PLCL2: variants seen among roughly 807,000 people sequenced by gnomAD.
PLCL2 encodes the protein phospholipase C like 2, also known as inactive phospholipase C-like protein 2.
PLCL2 carries 4 observed loss-of-function variants against 79.6 expected under a neutral mutation model. That is an observed-to-expected ratio of 0.05 (90% CI 0.02 to 0.11). PLCL2 has a LOEUF of 0.11. PLCL2 is among the 10% of genes least tolerant of loss of function. PLCL2 has a pLI of 1.00. For missense variants in PLCL2, 895 were observed against 1,291.0 expected (o/e 0.69, Z 4.70); for synonymous variants, 484 against 457.7 (o/e 1.06, Z -0.73).
chr3:17,010,473 T>C lies in PLCL2; in HGVS notation c.1127T>C (p.Ile376Thr). 1 of 1,614,032 alleles carries C rather than the reference T, an allele frequency of 6.2e-7. No individual in the cohort carries two copies. The highest frequency in any genetic ancestry group is 1.1e-5 in the South Asian group (1 of 91,070). ...FLEAEQGVAHINEEISLEIIH... is the reference protein window; with the variant it reads ...FLEAEQGVAHTNEEISLEIIH... ...GAGGCAGAACAGGGTGTGGCACATA[T>C]AAATGAGGAAATAAGCCTTGAAATT... The change falls in exon 2 of 6, where the codon ATA becomes ACA. Residue 376 changes from isoleucine to threonine, a missense_variant. Physicochemically the swap from Ile to Thr is moderately conservative, Grantham distance 89. Around this residue, in one of 6 missense-constraint regions of PLCL2, gnomAD observed 242 missense variants for 399.5 expected, o/e 0.61. Transcript: ENST00000615277. The surrounding 1 kb of genome is among the most constrained non-coding windows in gnomAD (Gnocchi z 5.8).
chr3:16,943,941 G>A (rs2063578470), intron 1 of PLCL2, among the ~76,000 whole-genome samples: 1 of 152,128 alleles, frequency 6.6e-6, no homozygotes, highest in African/African-American at 2.4e-5. Flanking sequence ...GATCTCTTGG[G>A]TATTATGTTT....
At chr3:17,025,399 A>C (rs190003158) in intron 3 of PLCL2, among the ~76,000 whole-genome samples, 4,323 of 152,238 alleles carry the variant, frequency 0.028, 223 homozygotes, top group African/African-American at 0.1. Context: ...CAGTCACTTC[A>C]ATCAAATTGT....
At chr3:17,012,353 T>C (rs983128455) in intron 2 of PLCL2, among the ~76,000 whole-genome samples, 193 bp downstream of exon 2, 6 of 152,256 alleles carry the variant, frequency 3.9e-5, no homozygotes, top group African/African-American at 7.2e-5. Flanking sequence ...GTTGAAAATA[T>C]TGATTACATA....
At chr3:17,044,657 TAA>T (rs1280378816) in intron 4 of PLCL2, among the ~76,000 whole-genome samples, 1 of 152,234 alleles carries the variant, frequency 6.6e-6, no homozygotes, top group Non-Finnish European at 1.5e-5. Context: ...AAATATTAAC[TAA>T]ATATGATTTT....
Position 17,009,781 on chromosome 3 carries a change from G to A in PLCL2, c.435G>A (p.Glu145=). 3.1e-6 allele frequency: 5 copies of A among 1,613,744 alleles called. No individual in the cohort carries two copies. The highest frequency in any genetic ancestry group is 1.6e-4 in the Middle Eastern group (1 of 6,062). Residue 145 remains glutamate, a synonymous_variant, in exon 2 of 6, where the codon GAG becomes GAA. Transcript: ENST00000615277. The surrounding 1 kb of genome is among the most constrained non-coding windows in gnomAD (Gnocchi z 4.0). ...GTGATTGTATTAATTCAATGGTTGA[G>A]GGTTCAGAACTCAAAAAGGTTCGCT... ...SASDCINSMV[E]GSELKKVRSN...
intron 1 of PLCL2, among the ~76,000 whole-genome samples, chr3:16,936,323 T>C (rs1402091489): frequency 6.6e-6 from 1 of 152,238 alleles, no homozygotes; most frequent in African/African-American, 2.4e-5. Context: ...ACTGTTTATA[T>C]GTGCTTGGCT....
chr3:16,928,461 G>C (rs1427811672), intron 1 of PLCL2, among the ~76,000 whole-genome samples: 1 of 152,168 alleles, frequency 6.6e-6, no homozygotes, highest in Non-Finnish European at 1.5e-5. Context: ...AGAACCTTGG[G>C]GAAATCCATG....
rs1696219229 is a variant in PLCL2, at chr3:16,886,218, A to T, written c.327+852A>T. On this transcript the variant is annotated intron_variant, in intron 1 of 5. Coordinates refer to ENST00000615277, the MANE Select transcript of PLCL2 (RefSeq NM_001144382.2). The surrounding 1 kb of genome is among the most constrained non-coding windows in gnomAD (Gnocchi z 4.2). ...TTTTCATGACATGAAGTGCAAAAAA[A>T]AATAGTTGATGAGCTAAGAAGAGCA... Among the ~76,000 whole-genome samples, 1 of 152,236 alleles carries T rather than the reference A, an allele frequency of 6.6e-6. No individual in the cohort carries two copies. The highest frequency in any genetic ancestry group is 1.5e-5 in the Non-Finnish European group (1 of 68,052).
intron 3 of PLCL2, among the ~76,000 whole-genome samples, chr3:17,032,670 G>T (rs772669080): frequency 6.6e-6 from 1 of 152,134 alleles, no homozygotes; most frequent in South Asian, 2.1e-4. Context: ...GGTCCATGCA[G>T]TGCGCATTGG....
At chr3:17,021,621 CACACACA>C (rs757010041) in intron 3 of PLCL2, among the ~76,000 whole-genome samples, 2 of 151,804 alleles carry the variant, frequency 1.3e-5, no homozygotes, top group African/African-American at 4.8e-5. Context: ...CACACACACA[CACACACA>C]CACCCCAGAT....
intron 5 of PLCL2, among the ~76,000 whole-genome samples, chr3:17,088,908 C>A (rs1468014037): frequency 4.6e-5 from 7 of 152,142 alleles, no homozygotes; most frequent in African/African-American, 7.2e-5. Flanking sequence ...GCATATAGAT[C>A]AAGTTGATGG....
chr3:16,937,895 G>A (rs957949034), intron 1 of PLCL2, among the ~76,000 whole-genome samples: 4 of 152,106 alleles, frequency 2.6e-5, no homozygotes, highest in Non-Finnish European at 4.4e-5. Flanking sequence ...CATTAATTTT[G>A]GATAACAGGT....
chr3:17,057,771 CTTTG>C (rs556529421), intron 4 of PLCL2, among the ~76,000 whole-genome samples: 1 of 152,182 alleles, frequency 6.6e-6, no homozygotes, highest in Non-Finnish European at 1.5e-5. Flanking sequence ...GGCAAGGGAC[CTTTG>C]TTTGTTCATA....
rs368514525 is a variant in PLCL2, at chr3:16,971,147, T to C, written c.328-38527T>C. On this transcript the variant is annotated intron_variant, in intron 1 of 5. Transcript: ENST00000615277. ...CATGAAGTCCTTGCCCATGCCTATG[T>C]CCTGAATGGTAATGCCTAGGTTTTC... 8.4e-3 allele frequency among the ~76,000 whole-genome samples: 1,272 copies of C among 151,600 alleles called. 85 individuals carry two copies. The East Asian group carries it at 0.17, about 20-fold the overall frequency.
In PLCL2 at chr3:16,941,154, T is replaced by G. The variant is rs148954886; in HGVS notation, c.327+55788T>G. On this transcript the variant is annotated intron_variant, in intron 1 of 5. Transcript: ENST00000615277. Reference sequence around the variant, plus strand: ...GTTCTCACCACTTTGCCATCCATACTCACAGCTTTAACTCCCTGCTGTATG... The same window carrying G: ...GTTCTCACCACTTTGCCATCCATACGCACAGCTTTAACTCCCTGCTGTATG... Among the ~76,000 whole-genome samples, 143 of 152,320 alleles carry G rather than the reference T, an allele frequency of 9.4e-4. 3 individuals are homozygous for G. The East Asian group carries it at 0.019, about 20-fold the overall frequency.
chr3:17,027,820 C>T (rs530557046), intron 3 of PLCL2, among the ~76,000 whole-genome samples: 15 of 152,130 alleles, frequency 9.9e-5, no homozygotes, highest in African/African-American at 2.2e-4. Flanking sequence ...CTAATTGTTA[C>T]GGTCAGAAAC....
At chr3:16,940,594 A>G (rs1011715620) in intron 1 of PLCL2, among the ~76,000 whole-genome samples, 6 of 152,162 alleles carry the variant, frequency 3.9e-5, no homozygotes, top group Non-Finnish European at 5.9e-5. Context: ...GCAACATGCA[A>G]TTTACTCATG....
intron 1 of PLCL2, among the ~76,000 whole-genome samples, chr3:16,897,496 T>C (rs530122157): frequency 6.6e-6 from 1 of 152,268 alleles, no homozygotes; most frequent in East Asian, 1.9e-4. Context: ...AAAATTGTCT[T>C]TAGAAAGAAT....
chr3:17,089,502 T>G (rs1294035976), intron 5 of PLCL2, among the ~76,000 whole-genome samples: 4 of 152,100 alleles, frequency 2.6e-5, no homozygotes, highest in African/African-American at 9.7e-5. Context: ...TGCAGATCTA[T>G]AAATAGAAAG....
Sources: gnomAD v4.1 joint callset for allele counts (sites outside exome capture counted in the v4.1 genomes callset) on GRCh38, gnomAD v4.1.1 for gene constraint, gnomAD v4.1.1 regional missense constraint, Gnocchi (gnomAD v3.1) non-coding constraint, MANE v1.5 for transcripts, NCBI Gene and HGNC (gene_info 2026-07-23, HGNC 2026-07-21) for gene names.